MEGF11: variants seen among roughly 807,000 people sequenced by gnomAD.
The protein encoded by MEGF11 is multiple epidermal growth factor-like domains protein 11.
In MEGF11, 126 loss-of-function variants were observed where a neutral mutation model predicts 146.6. The observed-to-expected ratio is 0.86, with a 90% CI of 0.74 to 1.00. The LOEUF is 1.00. MEGF11 is among the 50% of genes least tolerant of loss of function. The pLI, the probability that MEGF11 is intolerant of heterozygous loss-of-function variation, is 0.00. For synonymous variants in MEGF11, 532 were observed against 583.4 expected (o/e 0.91, Z 1.27); for missense variants, 1,509 against 1,521.2 (o/e 0.99, Z 0.13).
intron 5 of MEGF11, among the ~76,000 whole-genome samples, chr15:65,997,495 TAG>T (rs1466679964): frequency 2.0e-5 from 3 of 152,232 alleles, no homozygotes; most frequent in Admixed American, 6.5e-5. Flanking sequence ...ACTACATCCT[TAG>T]AGTCTTCTTG....
At chr15:66,001,594 G>A (rs752153010) in intron 5 of MEGF11, among the ~76,000 whole-genome samples, 9 of 151,974 alleles carry the variant, frequency 5.9e-5, no homozygotes, top group Admixed American at 1.3e-4. Flanking sequence ...TTTCCATCTC[G>A]GTGGCCTCAC....
At chr15:65,964,325 C>T (rs185443268) in intron 9 of MEGF11, among the ~76,000 whole-genome samples, 7 of 152,280 alleles carry the variant, frequency 4.6e-5, no homozygotes, top group Admixed American at 4.6e-4. Flanking sequence ...AAGTTCAGGC[C>T]CTGATAAAGG....
intron 8 of MEGF11, among the ~76,000 whole-genome samples, chr15:65,968,776 T>A (rs1442066663): frequency 6.6e-6 from 1 of 152,186 alleles, no homozygotes; most frequent in Non-Finnish European, 1.5e-5. Context: ...ACCAGATACA[T>A]TGCTCAATTA....
chr15:66,217,544 G>A (rs984402359), intron 1 of MEGF11, among the ~76,000 whole-genome samples: 1 of 152,238 alleles, frequency 6.6e-6, no homozygotes, highest in Non-Finnish European at 1.5e-5. Context: ...CTTTGTAGAG[G>A]TGGCCAACAT....
chr15:66,020,625 C>T (rs1161832837), intron 5 of MEGF11, among the ~76,000 whole-genome samples: 2 of 152,132 alleles, frequency 1.3e-5, no homozygotes, highest in Non-Finnish European at 2.9e-5. Context: ...GAAAGACTGG[C>T]ATTAGGTTGA....
intron 10 of MEGF11, among the ~76,000 whole-genome samples, chr15:65,945,336 C>G (rs972519262): frequency 2.6e-5 from 4 of 152,148 alleles, no homozygotes. Context: ...CAGGAAGGGG[C>G]AAGTTTGATG....
intron 1 of MEGF11, among the ~76,000 whole-genome samples, chr15:66,251,398 A>G (rs972041180): frequency 6.6e-6 from 1 of 151,966 alleles, no homozygotes; most frequent in Non-Finnish European, 1.5e-5. Context: ...CTTGACTACA[A>G]AACAATGGCT....
At chr15:66,053,714 A>C (rs762836622) in intron 5 of MEGF11, among the ~76,000 whole-genome samples, 11 of 42,268 alleles carry the variant, frequency 2.6e-4, no homozygotes, top group Non-Finnish European at 5.8e-4. Flanking sequence ...CCCTGGCACC[A>C]ATTTTTTTTT....
At chr15:65,938,000 C>T (rs2079848503) in intron 10 of MEGF11, among the ~76,000 whole-genome samples, 1 of 152,230 alleles carries the variant, frequency 6.6e-6, no homozygotes, top group African/African-American at 2.4e-5. Context: ...CTTGCCTGGA[C>T]TGGGGGTCTT....
At chr15:66,048,981 C>T (rs1423510231) in intron 5 of MEGF11, among the ~76,000 whole-genome samples, 1 of 152,210 alleles carries the variant, frequency 6.6e-6, no homozygotes, top group African/African-American at 2.4e-5. Context: ...TCTCTCCTCT[C>T]AGAAGAGACC....
At chr15:66,228,656 G>T (rs2091902178) in intron 1 of MEGF11, among the ~76,000 whole-genome samples, 1 of 152,242 alleles carries the variant, frequency 6.6e-6, no homozygotes, top group Non-Finnish European at 1.5e-5. Flanking sequence ...CAAGCCAGCA[G>T]AGGGGTTGGG....
At chr15:65,939,740 G>A (rs1354213886) in intron 10 of MEGF11, among the ~76,000 whole-genome samples, 1 of 152,086 alleles carries the variant, frequency 6.6e-6, no homozygotes, top group Non-Finnish European at 1.5e-5. Flanking sequence ...TGATCCACCT[G>A]CCTCAGCCTC....
At chr15:66,244,913 G>T (rs1292916113) in intron 1 of MEGF11, among the ~76,000 whole-genome samples, 1 of 152,138 alleles carries the variant, frequency 6.6e-6, no homozygotes, top group Non-Finnish European at 1.5e-5. Flanking sequence ...CCACTGCCTT[G>T]GGTCCCAGGG....
chr15:65,959,637 G>A (rs886511832), intron 9 of MEGF11, among the ~76,000 whole-genome samples: 4 of 152,072 alleles, frequency 2.6e-5, no homozygotes, highest in Admixed American at 1.3e-4. Context: ...TCATAGCTGT[G>A]GAGAAAGATT....
chr15:65,912,648 C>G (rs2141197850), intron 20 of MEGF11, among the ~76,000 whole-genome samples: 1 of 152,274 alleles, frequency 6.6e-6, no homozygotes, highest in Middle Eastern at 3.4e-3. Context: ...CTGGGGAATA[C>G]CAGAGGAATG....
chr15:66,090,945 C>T (rs542664416), intron 5 of MEGF11, among the ~76,000 whole-genome samples: 1 of 152,186 alleles, frequency 6.6e-6, no homozygotes, highest in South Asian at 2.1e-4. Context: ...GGATAAGCAC[C>T]CAAATGCCAG....
chr15:66,228,535 C>A (rs1045787462), intron 1 of MEGF11, among the ~76,000 whole-genome samples: 3 of 152,166 alleles, frequency 2.0e-5, no homozygotes, highest in African/African-American at 7.2e-5. Context: ...GGCCAAGAGG[C>A]CTGCAGGGCA....
intron 5 of MEGF11, among the ~76,000 whole-genome samples, chr15:66,051,126 T>C (rs184699938): frequency 4.0e-4 from 61 of 152,358 alleles, no homozygotes; most frequent in African/African-American, 1.4e-3. Context: ...ACCTCCATTA[T>C]TTCATGGGAG....
intron 5 of MEGF11, among the ~76,000 whole-genome samples, chr15:66,091,499 T>C (rs994728800): frequency 1.3e-5 from 2 of 152,218 alleles, no homozygotes; most frequent in Middle Eastern, 3.4e-3. Context: ...TAATTAAGAG[T>C]TCAGGTTCAG....
Sources: allele counts gnomAD v4.1 joint callset (sites outside exome capture counted in the v4.1 genomes callset), GRCh38; gene constraint gnomAD v4.1.1; transcripts MANE v1.5; gene names NCBI Gene and HGNC (gene_info 2026-07-23, HGNC 2026-07-21).